WWP2: variants seen among roughly 807,000 people sequenced by gnomAD.
The protein encoded by WWP2 is WW domain containing E3 ubiquitin protein ligase 2.
WWP2 carries 57 observed loss-of-function variants against 121.0 expected under a neutral mutation model. The observed-to-expected ratio is 0.47, with a 90% CI of 0.38 to 0.59. The LOEUF (loss-of-function observed/expected upper bound fraction) is 0.59. Ranked by LOEUF, WWP2 falls within the 20% of genes least tolerant of loss-of-function variation. The pLI is 0.00. For synonymous variants in WWP2, 449 were observed against 441.3 expected, an observed-to-expected ratio of 1.02 and a Z score of -0.22; for missense variants, 962 against 1,158.9, an observed-to-expected ratio of 0.83 and a Z score of 2.47.
At chr16:69,904,800 C>A (rs537283033) in intron 8 of WWP2, among the ~76,000 whole-genome samples, 132 of 152,318 alleles carry the variant, frequency 8.7e-4, no homozygotes, top group Non-Finnish European at 1.6e-3. Context: ...CCAGGAGTCT[C>A]ATCAGTCAGA....
chr16:69,796,025 T>C (rs911858991), intron 2 of WWP2, among the ~76,000 whole-genome samples: 1 of 151,990 alleles, frequency 6.6e-6, no homozygotes, highest in Non-Finnish European at 1.5e-5. Context: ...TCTTTCTTTT[T>C]TTTTTTGCGA....
intron 4 of WWP2, among the ~76,000 whole-genome samples, chr16:69,825,677 G>A (rs1445011925): frequency 1.3e-5 from 2 of 150,370 alleles, no homozygotes; most frequent in Non-Finnish European, 3.0e-5. Context: ...CCAGGCTGAG[G>A]TGTAGTGGTG....
chr16:69,765,138 A>C (rs2038700146), intron 1 of WWP2, among the ~76,000 whole-genome samples: 1 of 152,074 alleles, frequency 6.6e-6, no homozygotes, highest in South Asian at 2.1e-4. Context: ...TGGAGGCTGC[A>C]GTGAGTTGTG....
rs180894195 is a variant in WWP2, at chr16:69,917,290, C to T, written c.1005-419C>T. Among the ~76,000 whole-genome samples the T allele has an allele frequency of 1.1e-4, 17 of 152,334 alleles. No individual in the cohort carries two copies. The East Asian group carries it at 1.7e-3, about 16-fold the overall frequency. Reference sequence around the variant, plus strand: ...CACTGGGTCAACTTCCTATTGTCTTCGGGTCCAAAATAATAGCCAGTGGCC... The same window carrying T: ...CACTGGGTCAACTTCCTATTGTCTTTGGGTCCAAAATAATAGCCAGTGGCC... On this transcript the variant is annotated intron_variant, in intron 9 of 23. Transcript: ENST00000359154.
At chr16:69,831,791 G>T in intron 4 of WWP2, among the ~76,000 whole-genome samples, 1 of 146,824 alleles carries the variant, frequency 6.8e-6, no homozygotes, top group African/African-American at 2.5e-5. Context: ...GTTGCTGTTA[G>T]TACCTTAGGC....
At chr16:69,852,024 C>G (rs1329950228) in intron 6 of WWP2, among the ~76,000 whole-genome samples, 1 of 113,988 alleles carries the variant, frequency 8.8e-6, no homozygotes, top group Non-Finnish European at 1.9e-5. Context: ...TTTTAACTTG[C>G]TTGGGTAAAT....
chr16:69,797,833 A>G (rs2056079300), intron 2 of WWP2, among the ~76,000 whole-genome samples: 1 of 152,014 alleles, frequency 6.6e-6, no homozygotes, highest in African/African-American at 2.4e-5. Flanking sequence ...GGTTGCAGTG[A>G]GCCGAGATTG....
chr16:69,847,960 G>T (rs2057116823), intron 6 of WWP2, among the ~76,000 whole-genome samples: 1 of 152,136 alleles, frequency 6.6e-6, no homozygotes, highest in African/African-American at 2.4e-5. Context: ...GAGTGGAGCT[G>T]CTCCTCCTAG....
At chr16:69,807,247 C>T (rs2056298019) in intron 4 of WWP2, among the ~76,000 whole-genome samples, 2 of 152,114 alleles carry the variant, frequency 1.3e-5, no homozygotes, top group African/African-American at 4.8e-5. Context: ...GTTGGCTGGG[C>T]TAATCTTGAA....
At chr16:69,769,874 CTTTTT>C (rs71151134) in intron 1 of WWP2, among the ~76,000 whole-genome samples, 5 of 102,228 alleles carry the variant, frequency 4.9e-5, no homozygotes, top group Admixed American at 1.0e-4. Flanking sequence ...TGATCAGTGT[CTTTTT>C]TTTTTTTTTT....
intron 22 of WWP2, 92 bp from the exon 23 acceptor site, chr16:69,939,248 TG>T: frequency 1.9e-6 from 3 of 1,572,330 alleles, no homozygotes; most frequent in Non-Finnish European, 2.6e-6. Flanking sequence ...CTCTGCATCC[TG>T]GGGCCGAGCC....
chr16:69,799,512 C>T lies in WWP2; in HGVS notation c.340+217C>T, dbSNP rs1416647081. On this transcript the variant is annotated intron_variant, in intron 4 of 23. Coordinates refer to ENST00000359154, the MANE Select transcript of WWP2 (RefSeq NM_001270454.2). The surrounding 1 kb of genome is among the most constrained non-coding windows in gnomAD (Gnocchi z 4.5). ...GTCCAGGGCCTCTAGTAATGTGATG[C>T]AGTGGTGTGTTGCCCTTTATCCTTC... 8 of 529,990 alleles carry T rather than the reference C, an allele frequency of 1.5e-5. No homozygotes were observed. Among genetic ancestry groups the T allele is most frequent in the Non-Finnish European group, 2.2e-5 (7 of 316,166 alleles). 32.8% of individuals were successfully genotyped at this position (529,990 alleles called of 1,614,324 possible). A position where few individuals can be genotyped will look rare whatever the true frequency, so the allele number is the denominator to read the frequency against.
rs564018810 is a variant in WWP2 at position 69,788,424 on chromosome 16, C to T, written c.70+1344C>T. ...GCCGAAGCTCCCATGTGATGTGACC[C>T]TTCCCCACCCCACATTTCTCATCTC... On this transcript the variant is annotated intron_variant, in intron 2 of 23. Transcript: ENST00000359154. 2.1e-4 allele frequency among the ~76,000 whole-genome samples: 32 copies of T among 152,302 alleles called. 1 individual carries two copies. Among genetic ancestry groups the T allele is most frequent in the Middle Eastern group, 3.4e-3 (1 of 294 alleles).
chr16:69,846,092 C>T (rs1232712849), intron 6 of WWP2, among the ~76,000 whole-genome samples: 4 of 131,920 alleles, frequency 3.0e-5, no homozygotes, highest in African/African-American at 8.7e-5. Context: ...TGGTCTGGCA[C>T]ATGGAAGCCA....
chr16:69,770,529 A>T (rs994433320), intron 1 of WWP2, among the ~76,000 whole-genome samples: 1 of 152,158 alleles, frequency 6.6e-6, no homozygotes, highest in Non-Finnish European at 1.5e-5. Flanking sequence ...CCTTCATAAT[A>T]TCCTTTATAA....
intron 1 of WWP2, among the ~76,000 whole-genome samples, chr16:69,785,126 A>G (rs1462759777): frequency 3.3e-5 from 5 of 151,940 alleles, no homozygotes; most frequent in Admixed American, 3.3e-4. Context: ...CCAGCTACCC[A>G]TGAGGCTGAG....
At chr16:69,915,396 G>A (rs912290161) in intron 9 of WWP2, among the ~76,000 whole-genome samples, 8 of 152,150 alleles carry the variant, frequency 5.3e-5, no homozygotes, top group Non-Finnish European at 7.3e-5. Flanking sequence ...AAGTCCATAA[G>A]CGATAGCAAA....
intron 8 of WWP2, among the ~76,000 whole-genome samples, chr16:69,894,719 ATC>A (rs1287040917): frequency 6.6e-6 from 1 of 152,114 alleles, no homozygotes; most frequent in Non-Finnish European, 1.5e-5. Context: ...CAGGCCCTGT[ATC>A]TGTTTTTTCT....
chr16:69,858,761 T>A (rs760437660), intron 6 of WWP2, among the ~76,000 whole-genome samples: 1 of 152,230 alleles, frequency 6.6e-6, no homozygotes, highest in Non-Finnish European at 1.5e-5. Context: ...TCCGTGTACT[T>A]CAACTCTGCC....
Sources: gnomAD v4.1 joint callset for allele counts (sites outside exome capture counted in the v4.1 genomes callset) on GRCh38, gnomAD v4.1.1 for gene constraint, Gnocchi (gnomAD v3.1) non-coding constraint, MANE v1.5 for transcripts, NCBI Gene and HGNC (gene_info 2026-07-23, HGNC 2026-07-21) for gene names.